ZNF320: variants seen among roughly 807,000 people sequenced by gnomAD.
ZNF320 encodes the protein zinc finger gene 320.
Under a neutral mutation model 6.8 loss-of-function variants are expected in ZNF320, and 2 were observed. The ratio of observed to expected loss-of-function variants is 0.29; its 90% CI spans 0.12 to 0.93. The LOEUF (loss-of-function observed/expected upper bound fraction) is 0.93. Ranked by LOEUF, ZNF320 falls within the 40% of genes least tolerant of loss-of-function variation. The pLI is 0.55. For synonymous variants in ZNF320, 208 were observed against 203.2 expected, an observed-to-expected ratio of 1.02 and a Z score of -0.20; for missense variants, 472 against 611.0, an observed-to-expected ratio of 0.77 and a Z score of 2.40.
chr19:52,886,275 C>T (rs1468255886), intron 5 of ZNF320, among the ~76,000 whole-genome samples: 1 of 152,052 alleles, frequency 6.6e-6, no homozygotes, highest in Non-Finnish European at 1.5e-5. Context: ...GCTGGGATTA[C>T]AGCTGCCCAC....
At chr19:52,862,596 C>G (rs1216782009) in exon 6 of ZNF320, 17 of 463,280 alleles carry the variant, frequency 3.7e-5, no homozygotes, top group Non-Finnish European at 5.8e-5. Flanking sequence ...TGAGCTTTCA[C>G]TATACCATGG....
intron 5 of ZNF320, among the ~76,000 whole-genome samples, chr19:52,870,644 T>C (rs893225957): frequency 6.6e-6 from 1 of 152,030 alleles, no homozygotes; most frequent in African/African-American, 2.4e-5. Flanking sequence ...TGCACACCTC[T>C]AGTCCCAGCT....
chr19:52,895,013 C>T (rs67792753), intron 1 of ZNF320: 6 of 152,138 alleles, frequency 3.9e-5, no homozygotes, highest in Admixed American at 3.9e-4. Context: ...CCAAAACAAT[C>T]CAGCCCATCG....
rs1245540432 is a variant in ZNF320 at position 52,879,704 on chromosome 19, A to G, written c.*892T>C. 3 of 152,222 alleles carry G rather than the reference A, an allele frequency of 2.0e-5. No individual in the cohort carries two copies. Among genetic ancestry groups the G allele is most frequent in the Non-Finnish European group, 4.4e-5 (3 of 68,040 alleles). 9.4% of individuals were successfully genotyped at this position (152,222 alleles called of 1,614,324 possible). On this transcript the variant is annotated 3_prime_UTR_variant, in exon 6 of 6. Transcript: ENST00000682928. ...CTGTGTAGAAAATCACAAAGAGTCA[A>G]CCAAAATGCAACTGGAACTAAAAAA...
Position 52,880,004 on chromosome 19 carries a change from A to G in ZNF320, c.*592T>C, listed in dbSNP as rs1335299150. On this transcript the variant is annotated 3_prime_UTR_variant, in exon 6 of 6. Coordinates refer to ENST00000682928, the MANE Select transcript of ZNF320 (RefSeq NM_001351774.2). ...TGCTAAATGATTATAACTGAATGTG[A>G]TGTAGATTCAACACAATACCCAGAG... The G allele has an allele frequency of 6.6e-6, 1 of 152,166 alleles. No individual in the cohort carries two copies. The highest frequency in any genetic ancestry group is 1.5e-5 in the Non-Finnish European group (1 of 68,030). The allele number at this position is 152,166 out of a possible 1,614,324, so 9.4% of individuals were successfully genotyped here.
At chr19:52,867,435 A>G (rs1376928564) in intron 5 of ZNF320, among the ~76,000 whole-genome samples, 1 of 151,060 alleles carries the variant, frequency 6.6e-6, no homozygotes, top group Non-Finnish European at 1.5e-5. Flanking sequence ...TGACCTCATG[A>G]TCCACTTGCC....
At chr19:52,892,713 A>C (rs78507435) in intron 2 of ZNF320, among the ~76,000 whole-genome samples, 48,866 of 151,184 alleles carry the variant, frequency 0.32, 8,039 homozygotes, top group South Asian at 0.46. Context: ...ATCTCTGTGC[A>C]TCCTCTGCTC....
At chr19:52,903,781 C>G in the ZNF320 span, among the ~76,000 whole-genome samples, 1 of 152,028 alleles carries the variant, frequency 6.6e-6, no homozygotes, top group Non-Finnish European at 1.5e-5. Context: ...AGAGGGCACA[C>G]ACACGCACTT....
chr19:52,862,640 C>A lies in ZNF320; in HGVS notation c.*1389G>T, dbSNP rs2063492368. ...ATGGTGAATAGGCGATGCCCTCACC[C>A]TAAAGGCTTTGCCACACTCATTACA... On this transcript the variant is annotated 3_prime_UTR_variant, in exon 6 of 6. Transcript: ENST00000673631. The A allele has an allele frequency of 5.2e-6, 3 of 581,804 alleles. No homozygotes were observed. The East Asian group carries it at 1.6e-4, about 31-fold the overall frequency. The allele number at this position is 581,804 out of a possible 1,614,324, so 36.0% of individuals were successfully genotyped here.
Position 52,881,025 on chromosome 19 carries a change from C to G in ZNF320, c.1101G>C (p.Arg367=). 1 of 1,613,474 alleles carries G rather than the reference C, an allele frequency of 6.2e-7. No homozygotes were observed. The highest frequency in any genetic ancestry group is 1.1e-5 in the South Asian group (1 of 91,034). Residue 367 remains arginine, a synonymous_variant, in exon 6 of 6, where the codon CGG becomes CGC. Transcript: ENST00000682928. ...YKCKVCDKAF[R]SDSRLAEHQR... ...GATGTTCTGCAAGACGTGAATCACT[C>G]CGGAAAGCCTTGTCACAAACCTTAC... is the stretch of plus-strand genomic sequence containing the variant.
chr19:52,898,614 G>T (rs1444170452), upstream of ZNF320, among the ~76,000 whole-genome samples: 3 of 152,222 alleles, frequency 2.0e-5, no homozygotes, highest in Admixed American at 1.3e-4. Context: ...GCAATCTACT[G>T]CCTTGAAATC....
upstream of ZNF320, among the ~76,000 whole-genome samples, chr19:52,898,342 A>T (rs374349620): frequency 2.0e-4 from 31 of 152,204 alleles, no homozygotes; most frequent in Middle Eastern, 3.4e-3. Flanking sequence ...CACAGCAGGG[A>T]TGTGGGCGAG....
downstream of ZNF320, among the ~76,000 whole-genome samples, chr19:52,872,914 T>C (rs2063705530): frequency 6.6e-6 from 1 of 152,184 alleles, no homozygotes; most frequent in Non-Finnish European, 1.5e-5. Flanking sequence ...CAAAGGACCC[T>C]GTGTCATAAA....
intron 1 of ZNF320, chr19:52,895,688 G>GTAATC (rs2064449096): frequency 6.6e-6 from 1 of 151,920 alleles, no homozygotes; most frequent in African/African-American, 2.4e-5. Context: ...GCAGGCGCCT[G>GTAATC]TAATCCCAGC....
chr19:52,874,044 C>A, downstream of ZNF320: 1 of 446,198 alleles, frequency 2.2e-6, no homozygotes. Flanking sequence ...GTGTCTTCCT[C>A]AAGTAACATA....
upstream of ZNF320, among the ~76,000 whole-genome samples, chr19:52,902,294 C>T (rs540297802): frequency 4.6e-5 from 7 of 152,298 alleles, no homozygotes; most frequent in East Asian, 3.9e-4. Context: ...GCAGGGACTT[C>T]GGGATATAGC....
At chr19:52,862,532 T>A in exon 6 of ZNF320, 1 of 355,866 alleles carries the variant, frequency 2.8e-6, no homozygotes, top group Non-Finnish European at 5.6e-6. Context: ...GGTTCTCCAA[T>A]GATTTGCAAG....
Position 52,878,590 on chromosome 19 carries a change from A to T in ZNF320, c.*2006T>A, listed in dbSNP as rs2063827565. ...CATCATCTTGTCCCAACTTAAAATA[A>T]GTTTTCCATTTACAAACTGGTGATT... is the stretch of plus-strand genomic sequence containing the variant. On this transcript the variant is annotated 3_prime_UTR_variant, in exon 6 of 6. Transcript: ENST00000682928. 6.6e-6 allele frequency: 1 copy of T among 152,124 alleles called. No individual in the cohort carries two copies. The highest frequency in any genetic ancestry group is 1.5e-5 in the Non-Finnish European group (1 of 68,034). The allele number at this position is 152,124 out of a possible 1,614,324, so 9.4% of individuals were successfully genotyped here. A position where few individuals can be genotyped will look rare whatever the true frequency, so the allele number is the denominator to read the frequency against.
chr19:52,862,122 A>C (rs1178638885), exon 6 of ZNF320: 1 of 382,646 alleles, frequency 2.6e-6, no homozygotes, highest in African/African-American at 2.1e-5. Flanking sequence ...CGGATTCTCC[A>C]ATGATTTGCA....
Sources: allele counts gnomAD v4.1 joint callset (sites outside exome capture counted in the v4.1 genomes callset), GRCh38; gene constraint gnomAD v4.1.1; transcripts MANE v1.5; gene names NCBI Gene and HGNC (gene_info 2026-07-23, HGNC 2026-07-21).